Variants in MEI4 observed in about 807,000 individuals in gnomAD.
The protein encoded by MEI4 is meiosis-specific protein MEI4.
Under a neutral mutation model 31.4 loss-of-function variants are expected in MEI4, and 27 were observed. The ratio of observed to expected loss-of-function variants is 0.86; its 90% CI spans 0.63 to 1.19. The LOEUF is 1.19. Ranked by LOEUF, MEI4 falls within the 50% of genes most tolerant of loss-of-function variation. The probability of loss-of-function intolerance (pLI) is 0.00; values close to 1 mark genes in which losing one functional copy is unlikely to be tolerated. For synonymous variants in MEI4, 122 were observed against 145.4 expected (o/e 0.84, Z 1.16); for missense variants, 329 against 398.9 (o/e 0.82, Z 1.49).
intron 1 of MEI4, among the ~76,000 whole-genome samples, chr6:77,665,740 A>T (rs191584292): frequency 0.011 from 1,668 of 152,270 alleles, 28 homozygotes; most frequent in African/African-American, 0.037. Context: ...TCTCGCCCGG[A>T]AAATGAAAGG....
chr6:77,785,780 A>C (rs138273003), intron 3 of MEI4, among the ~76,000 whole-genome samples: 1 of 152,294 alleles, frequency 6.6e-6, no homozygotes, highest in African/African-American at 2.4e-5. Context: ...TTTTACAGCT[A>C]GATAACAGGA....
intron 4 of MEI4, among the ~76,000 whole-genome samples, chr6:77,898,180 T>C (rs191094206): frequency 1.2e-4 from 19 of 152,132 alleles, no homozygotes; most frequent in Non-Finnish European, 2.1e-4. Flanking sequence ...TCTCCTATGC[T>C]TCAGAAGTTT....
chr6:77,925,577 T>TCTAA lies in MEI4; in HGVS notation c.*2234_*2237dup, dbSNP rs1766823219. On this transcript the variant is annotated 3_prime_UTR_variant, in exon 5 of 5. Coordinates refer to ENST00000684080, the MANE Select transcript of MEI4 (RefSeq NM_001322247.2). The stretch of plus-strand genomic sequence containing the variant: ...TATAACAGTTTATATTTAGGTAATG[T>TCTAA]CTAACTTTAGAATTAAGGTTTTAGG... 2.6e-5 allele frequency: 4 copies of TCTAA among 151,726 alleles called. No homozygotes were observed. The South Asian group carries it at 8.3e-4, about 31-fold the overall frequency. The allele number at this position is 151,726 out of a possible 1,614,324, so 9.4% of individuals were successfully genotyped here. A position where few individuals can be genotyped will look rare whatever the true frequency, so the allele number is the denominator to read the frequency against.
chr6:77,806,949 A>G (rs1056344811), intron 3 of MEI4, among the ~76,000 whole-genome samples: 1 of 152,120 alleles, frequency 6.6e-6, no homozygotes. Flanking sequence ...TAAGGTCTGC[A>G]AAGCCTAATA....
chr6:77,843,969 A>G (rs1044409620), intron 4 of MEI4, among the ~76,000 whole-genome samples: 2 of 152,058 alleles, frequency 1.3e-5, no homozygotes, highest in Non-Finnish European at 2.9e-5. Context: ...TGAAAAATCC[A>G]CTTCTCTGAG....
At chr6:77,658,172 G>T (rs1156431580) in intron 1 of MEI4, among the ~76,000 whole-genome samples, 1 of 152,166 alleles carries the variant, frequency 6.6e-6, no homozygotes, top group Non-Finnish European at 1.5e-5. Flanking sequence ...TGGGATAGGC[G>T]GTGAAGTTAA....
At chr6:77,678,940 T>A (rs1463228593) in intron 1 of MEI4, among the ~76,000 whole-genome samples, 1 of 148,878 alleles carries the variant, frequency 6.7e-6, no homozygotes, top group African/African-American at 2.4e-5. Flanking sequence ...CAAAAATGTT[T>A]AAGAGGTAAA....
intron 4 of MEI4, among the ~76,000 whole-genome samples, chr6:77,879,703 T>C (rs1043500625): frequency 6.6e-6 from 1 of 152,304 alleles, no homozygotes; most frequent in Non-Finnish European, 1.5e-5. Context: ...TATATACTTC[T>C]GTAGCTTTAG....
chr6:77,846,843 C>A (rs754464865), intron 4 of MEI4, among the ~76,000 whole-genome samples: 15 of 152,166 alleles, frequency 9.9e-5, no homozygotes, highest in Non-Finnish European at 1.9e-4. Flanking sequence ...TTTGTTACAT[C>A]TTGCAGTATA....
chr6:77,843,237 C>T (rs555215972), intron 4 of MEI4, among the ~76,000 whole-genome samples: 65 of 151,906 alleles, frequency 4.3e-4, no homozygotes, highest in African/African-American at 1.5e-3. Flanking sequence ...AGAAGCAGCT[C>T]ATGGAATACT....
chr6:77,729,108 T>C (rs1370624175), intron 2 of MEI4, among the ~76,000 whole-genome samples: 1 of 152,132 alleles, frequency 6.6e-6, no homozygotes, highest in Non-Finnish European at 1.5e-5. Flanking sequence ...CAAATTAACA[T>C]GAACTCATAG....
upstream of MEI4, among the ~76,000 whole-genome samples, chr6:77,651,133 A>G (rs1261792552): frequency 6.6e-6 from 1 of 152,196 alleles, no homozygotes; most frequent in African/African-American, 2.4e-5. Context: ...AGTGTGGGAC[A>G]TGGGGGCTTG....
At chr6:77,771,508 T>C (rs1768318298) in intron 3 of MEI4, among the ~76,000 whole-genome samples, 1 of 152,132 alleles carries the variant, frequency 6.6e-6, no homozygotes, top group Non-Finnish European at 1.5e-5. Flanking sequence ...TGTAGCACTA[T>C]TCACAGTAGC....
intron 2 of MEI4, among the ~76,000 whole-genome samples, chr6:77,696,899 C>T (rs1002020744): frequency 9.9e-5 from 15 of 152,054 alleles, no homozygotes; most frequent in Non-Finnish European, 1.6e-4. Flanking sequence ...TGGTCCTGGA[C>T]CTCTTTTTGG....
At chr6:77,746,459 A>T (rs9361272) in intron 2 of MEI4, among the ~76,000 whole-genome samples, 80,169 of 151,868 alleles carry the variant, frequency 0.53, 22,617 homozygotes, top group East Asian at 0.75. Flanking sequence ...GGGACATGGC[A>T]TTTATCCTGC....
At chr6:77,904,252 CTTATAG>C (rs774005670) in intron 4 of MEI4, among the ~76,000 whole-genome samples, 9 of 152,096 alleles carry the variant, frequency 5.9e-5, no homozygotes, top group Non-Finnish European at 1.3e-4. Context: ...CGTAAAGCAT[CTTATAG>C]TTATAACAGT....
intron 3 of MEI4, among the ~76,000 whole-genome samples, chr6:77,814,135 G>T (rs1256136896): frequency 1.3e-5 from 2 of 152,012 alleles, no homozygotes; most frequent in African/African-American, 4.8e-5. Context: ...AACAAACTAA[G>T]TACATCTAAC....
At chr6:77,891,303 A>G (rs1037025998) in intron 4 of MEI4, among the ~76,000 whole-genome samples, 1 of 152,140 alleles carries the variant, frequency 6.6e-6, no homozygotes, top group African/African-American at 2.4e-5. Context: ...CTGGTGTCTC[A>G]TATATCATAT....
intron 2 of MEI4, among the ~76,000 whole-genome samples, chr6:77,732,467 C>A (rs1300618972): frequency 6.6e-6 from 1 of 152,000 alleles, no homozygotes; most frequent in Admixed American, 6.5e-5. Flanking sequence ...GTGATTTTTG[C>A]ACATTGATCT....
Sources: gnomAD v4.1 joint callset for allele counts (sites outside exome capture counted in the v4.1 genomes callset) on GRCh38, gnomAD v4.1.1 for gene constraint, MANE v1.5 for transcripts, NCBI Gene and HGNC (gene_info 2026-07-23, HGNC 2026-07-21) for gene names.